Variants in BAIAP2 observed in about 807,000 individuals in gnomAD.
The protein encoded by BAIAP2 is BAR/IMD domain-containing adapter protein 2.
BAIAP2 carries 18 observed loss-of-function variants against 63.0 expected under a neutral mutation model. The observed-to-expected ratio is 0.29, with a 90% CI of 0.20 to 0.42. The LOEUF is 0.42. BAIAP2 is among the 10% of genes least tolerant of loss of function. The pLI is 1.00. For synonymous variants in BAIAP2, 386 were observed against 307.6 expected, an observed-to-expected ratio of 1.25 and a Z score of -2.67; for missense variants, 610 against 734.3, an observed-to-expected ratio of 0.83 and a Z score of 1.96.
At chr17:81,082,078 G>T (rs1346416347) in intron 3 of BAIAP2, among the ~76,000 whole-genome samples, 1 of 152,024 alleles carries the variant, frequency 6.6e-6, no homozygotes, top group Non-Finnish European at 1.5e-5. Context: ...CCCGGGGCCA[G>T]CGTGGTCCTG....
chr17:81,086,804 A>G (rs1390087230), intron 6 of BAIAP2: 1 of 550,766 alleles, frequency 1.8e-6, no homozygotes, highest in Non-Finnish European at 3.3e-6. Context: ...GCAGCCTCCC[A>G]GGGTCACTGA....
intron 1 of BAIAP2, among the ~76,000 whole-genome samples, chr17:81,037,906 G>C (rs1231760687): frequency 6.6e-6 from 1 of 152,258 alleles, no homozygotes; most frequent in Admixed American, 6.5e-5. Context: ...GTAAGAATCC[G>C]TAACGCAGAC....
At chr17:81,044,610 G>A (rs1319360034) in intron 1 of BAIAP2, among the ~76,000 whole-genome samples, 2 of 152,228 alleles carry the variant, frequency 1.3e-5, no homozygotes, top group Admixed American at 6.5e-5. Context: ...CAGTTCAGCC[G>A]TGACACCCAG....
At chr17:81,066,615 G>T (rs894028442) in intron 3 of BAIAP2, among the ~76,000 whole-genome samples, 5 of 152,212 alleles carry the variant, frequency 3.3e-5, no homozygotes, top group Non-Finnish European at 5.9e-5. Context: ...TCTCTGAAAC[G>T]TGGGGCCCTG....
intron 3 of BAIAP2, among the ~76,000 whole-genome samples, chr17:81,062,350 C>T (rs1196618932): frequency 6.6e-6 from 1 of 150,632 alleles, no homozygotes; most frequent in Non-Finnish European, 1.5e-5. Context: ...TATTATAGCT[C>T]ATGGATTTTT....
intron 6 of BAIAP2, among the ~76,000 whole-genome samples, chr17:81,095,394 C>T (rs1042684654): frequency 5.9e-5 from 9 of 152,192 alleles, no homozygotes; most frequent in African/African-American, 2.2e-4. Flanking sequence ...TGGCCGCCAC[C>T]TCCTCTCCTC....
At chr17:81,055,102 T>TG (rs1422914815) in intron 2 of BAIAP2, among the ~76,000 whole-genome samples, 17 of 152,182 alleles carry the variant, frequency 1.1e-4, no homozygotes, top group Admixed American at 1.1e-3. Flanking sequence ...TTCCTGGTGT[T>TG]GCGGCACCCA....
At position 81,073,475 on chromosome 17, in the gene BAIAP2, A is replaced by G. The variant is rs116022368; in HGVS notation, c.218-11357A>G. Among the ~76,000 whole-genome samples the G allele has an allele frequency of 3.0e-3, 463 of 152,258 alleles. 2 individuals carry two copies. Among genetic ancestry groups the G allele is most frequent in the African/African-American group, 0.011 (439 of 41,548 alleles). ...GTAGAAATGATCTTTTAACTGACTAAGCAGAGTGTTAACTGAAATCATCAT... is the reference window on the plus strand; with the variant it reads ...GTAGAAATGATCTTTTAACTGACTAGGCAGAGTGTTAACTGAAATCATCAT... On this transcript the variant is annotated intron_variant, in intron 3 of 13. Coordinates refer to ENST00000428708, the MANE Select transcript of BAIAP2 (RefSeq NM_001144888.2).
intron 3 of BAIAP2, chr17:81,063,798 C>A (rs531035837): frequency 1.3e-5 from 2 of 152,342 alleles, no homozygotes; most frequent in African/African-American, 4.8e-5. Context: ...GGACGTTGCT[C>A]ATTTCTGGTC....
At chr17:81,099,597 G>GACCCC (rs1175538681) in intron 6 of BAIAP2, among the ~76,000 whole-genome samples, 1 of 152,064 alleles carries the variant, frequency 6.6e-6, no homozygotes, top group Non-Finnish European at 1.5e-5. Flanking sequence ...AGGTGCACGC[G>GACCCC]ACCCCACCCC....
chr17:81,101,107 G>T (rs2058428352), intron 7 of BAIAP2, among the ~76,000 whole-genome samples: 1 of 152,092 alleles, frequency 6.6e-6, no homozygotes, highest in South Asian at 2.1e-4. Context: ...CAGTCCTGCG[G>T]CCCTGTGTCT....
intron 5 of BAIAP2, 107 bp from the exon 6 acceptor site, chr17:81,086,336 A>C (rs1011843695): frequency 2.1e-6 from 3 of 1,396,204 alleles, no homozygotes; most frequent in Non-Finnish European, 3.0e-6. Context: ...AGGGCTGGCA[A>C]GGGGACCCCG....
intron 3 of BAIAP2, among the ~76,000 whole-genome samples, chr17:81,072,621 T>C (rs937750031): frequency 6.6e-6 from 1 of 152,230 alleles, no homozygotes; most frequent in African/African-American, 2.4e-5. Flanking sequence ...TGGCAGGTGC[T>C]GACCCAAGTC....
At position 81,086,565 on chromosome 17, in the gene BAIAP2, G is replaced by A. The variant is rs776492137; in HGVS notation, c.474G>A (p.Ser158=). Residue 158 remains serine (S), a synonymous_variant, in exon 6 of 14, where the codon TCG becomes TCA. Coordinates refer to ENST00000428708, the MANE Select transcript of BAIAP2 (RefSeq NM_001144888.2). ...SQGSKNPQKY[S]DKELQYIDAI... is the part of the protein sequence containing the mutation. ...GCAGCAAGAATCCTCAGAAGTACTC[G>A]GACAAGGAGCTGCAGGTAGGCCCGC... is the stretch of plus-strand genomic sequence containing the variant. 6.2e-6 allele frequency: 10 copies of A among 1,613,384 alleles called. No individual in the cohort carries two copies. The highest frequency in any genetic ancestry group is 1.7e-5 in the Admixed American group (1 of 60,018).
intron 13 of BAIAP2, chr17:81,109,626 C>A: frequency 4.1e-6 from 4 of 985,366 alleles, no homozygotes; most frequent in Non-Finnish European, 4.8e-6. Flanking sequence ...GCCGGCCGCT[C>A]CTGTGAGGGA....
intron 2 of BAIAP2, chr17:81,057,396 A>ATT (rs1304009532): frequency 1.3e-5 from 2 of 153,068 alleles, no homozygotes; most frequent in African/African-American, 4.8e-5. Flanking sequence ...GCCTCCTTTG[A>ATT]TCAGCTGTGA....
At chr17:81,096,164 C>G (rs974326011) in intron 6 of BAIAP2, among the ~76,000 whole-genome samples, 4 of 152,194 alleles carry the variant, frequency 2.6e-5, no homozygotes, top group African/African-American at 9.7e-5. Context: ...GAGGCCGTGG[C>G]TCTGGGCAGC....
chr17:81,054,949 G>A (rs907313235), intron 2 of BAIAP2, among the ~76,000 whole-genome samples: 5 of 152,100 alleles, frequency 3.3e-5, no homozygotes, highest in East Asian at 1.9e-4. Flanking sequence ...AGTGACCCCC[G>A]GTCTCCCTGT....
chr17:81,053,123 C>T (rs957075482), intron 1 of BAIAP2, among the ~76,000 whole-genome samples: 6 of 152,202 alleles, frequency 3.9e-5, no homozygotes, highest in African/African-American at 1.4e-4. Flanking sequence ...CCGAGATGCC[C>T]GTCCGTCGGG....
Sources: allele counts gnomAD v4.1 joint callset (sites outside exome capture counted in the v4.1 genomes callset), GRCh38; gene constraint gnomAD v4.1.1; transcripts MANE v1.5; gene names NCBI Gene and HGNC (gene_info 2026-07-23, HGNC 2026-07-21).